Variants in DOCK2 observed in about 807,000 individuals in gnomAD.
The protein encoded by DOCK2 is dedicator of cytokinesis 2.
Under a neutral mutation model 248.9 loss-of-function variants are expected in DOCK2, and 87 were observed. The observed-to-expected ratio is 0.35, with a 90% CI of 0.29 to 0.42. The LOEUF (loss-of-function observed/expected upper bound fraction) is 0.42, where lower values mean the gene tolerates loss of function less well. Among genes scored for constraint, DOCK2 ranks in the 10% least tolerant of loss-of-function variants. DOCK2 has a pLI of 1.00. For missense variants in DOCK2, 1,747 were observed against 2,300.2 expected (o/e 0.76, Z 4.92); for synonymous variants, 805 against 821.6 (o/e 0.98, Z 0.35).
intron 26 of DOCK2, among the ~76,000 whole-genome samples, chr5:169,808,721 T>C (rs1211501540): frequency 6.6e-6 from 1 of 151,942 alleles, no homozygotes; most frequent in African/African-American, 2.4e-5. Context: ...CCAGAGAGAG[T>C]TGGTTTTTCC....
intron 41 of DOCK2, among the ~76,000 whole-genome samples, chr5:170,052,849 A>G (rs1756966572): frequency 6.6e-6 from 1 of 152,238 alleles, no homozygotes; most frequent in African/African-American, 2.4e-5. Context: ...ACTGAGGCTC[A>G]CAGAATTTAA....
rs1650862 is a variant in DOCK2, at chr5:169,780,332, T to G, written c.2554+18707T>G. 3.1e-4 allele frequency among the ~76,000 whole-genome samples: 35 copies of G among 113,622 alleles called. 1 individual carries two copies. The highest frequency in any genetic ancestry group is 1.2e-3 in the East Asian group (5 of 4,046). The allele number at this position is 113,622 out of a possible 152,430, so 74.5% of individuals were successfully genotyped here. A position where few individuals can be genotyped will look rare whatever the true frequency, so the allele number is the denominator to read the frequency against. The stretch of plus-strand genomic sequence containing the variant: ...GTGTGTGTGTGTGTGTGTGTGTGTG[T>G]GTGTGTGTTGAATCGTTCTAACACA... On this transcript the variant is annotated intron_variant, in intron 25 of 51. Transcript: ENST00000520908.
intron 38 of DOCK2, among the ~76,000 whole-genome samples, chr5:170,045,528 G>A (rs1013835349): frequency 2.0e-5 from 3 of 152,174 alleles, no homozygotes; most frequent in African/African-American, 7.2e-5. Flanking sequence ...CAATGAAGAT[G>A]CTGTCAGTTA....
intron 27 of DOCK2, among the ~76,000 whole-genome samples, chr5:169,844,698 G>A (rs945034072): frequency 1.1e-4 from 16 of 150,046 alleles, no homozygotes; most frequent in Non-Finnish European, 2.1e-4. Context: ...TTTCCCCAAT[G>A]ATGAATGATA....
intron 50 of DOCK2, 54 bp from the exon 51 acceptor site, chr5:170,081,788 G>A (rs1416399647): frequency 5.3e-6 from 8 of 1,517,364 alleles, no homozygotes; most frequent in Non-Finnish European, 7.1e-6. Context: ...CTCCCCCAAG[G>A]CACTGCCCCT....
intron 30 of DOCK2, among the ~76,000 whole-genome samples, chr5:169,996,586 T>A (rs1214612480): frequency 6.6e-6 from 1 of 152,218 alleles, no homozygotes; most frequent in Non-Finnish European, 1.5e-5. Context: ...GAAAGTCATT[T>A]TTAGTGCTCA....
At chr5:170,046,475 A>G (rs1756716143) in intron 39 of DOCK2, among the ~76,000 whole-genome samples, 1 of 152,106 alleles carries the variant, frequency 6.6e-6, no homozygotes. Context: ...CATCCTCCCC[A>G]CATGTTTTCT....
chr5:169,809,044 T>A (rs1254518333), intron 26 of DOCK2, among the ~76,000 whole-genome samples: 3 of 151,852 alleles, frequency 2.0e-5, no homozygotes, highest in Non-Finnish European at 4.4e-5. Flanking sequence ...CAGGCTGGAG[T>A]GCAGTGGCGC....
chr5:169,897,809 T>A (rs1388876657), intron 27 of DOCK2, among the ~76,000 whole-genome samples: 3 of 152,124 alleles, frequency 2.0e-5, no homozygotes. Context: ...AGATGATTCC[T>A]TCATCCCAGG....
chr5:169,761,530 A>G lies in DOCK2; in HGVS notation c.2459A>G (p.Tyr820Cys), dbSNP rs370192291. ...FDAKLLSQLL[Y>C]EFYTCIPPVK... ...TTTCCTGCCCTCAGCCAACTCCTGT[A>G]TGAGTTCTACACCTGCATCCCTCCT... The change falls in exon 25 of 52, where the codon TAT becomes TGT. Residue 820 changes from tyrosine (Y) to cysteine (C), a missense_variant. By Grantham distance (194) the Tyr-to-Cys change is radical. Coordinates refer to ENST00000520908, the MANE Select transcript of DOCK2 (RefSeq NM_004946.3). 6.2e-7 allele frequency: 1 copy of G among 1,613,276 alleles called. No homozygotes were observed. The highest frequency in any genetic ancestry group is 8.5e-7 in the Non-Finnish European group (1 of 1,179,738).
intron 27 of DOCK2, among the ~76,000 whole-genome samples, chr5:169,886,899 T>C (rs569824571): frequency 6.6e-6 from 1 of 152,348 alleles, no homozygotes; most frequent in East Asian, 1.9e-4. Context: ...AGTGCATTGA[T>C]TATGTGCCAG....
chr5:170,062,128 T>TGTGTGA (rs778077276), intron 44 of DOCK2, among the ~76,000 whole-genome samples: 3 of 137,836 alleles, frequency 2.2e-5, no homozygotes, highest in African/African-American at 8.8e-5. Context: ...TGTGTGTGTG[T>TGTGTGA]GAGAGAGAGA....
chr5:169,920,069 T>C (rs1393486726), intron 27 of DOCK2, among the ~76,000 whole-genome samples: 1 of 152,220 alleles, frequency 6.6e-6, no homozygotes, highest in Non-Finnish European at 1.5e-5. Context: ...CTTTGTGAGA[T>C]AATGATTTTA....
chr5:169,716,257 G>A lies in DOCK2; in HGVS notation c.1986G>A (p.Glu662=), dbSNP rs368933125. The change falls in exon 20 of 52, where the codon GAG becomes GAA. Residue 662 remains glutamate, a synonymous_variant. Coordinates refer to ENST00000520908, the MANE Select transcript of DOCK2 (RefSeq NM_004946.3). The part of the protein sequence containing the change: ...TLDALFNIMM[E]HSQSDEYDIL... ...ATGCCCTCTTCAACATCATGATGGAGCATTCTCAAAGTGATGAATATGACA... is the reference window on the plus strand; with the variant it reads ...ATGCCCTCTTCAACATCATGATGGAACATTCTCAAAGTGATGAATATGACA... 13 of 1,613,762 alleles carry A rather than the reference G, an allele frequency of 8.1e-6. No homozygotes were observed. Among genetic ancestry groups the A allele is most frequent in the South Asian group, 2.2e-5 (2 of 91,076 alleles).
At position 169,813,642 on chromosome 5, in the gene DOCK2, A is replaced by G. The variant is rs10155623; in HGVS notation, c.2703+10436A>G. On this transcript the variant is annotated intron_variant, in intron 26 of 51. Transcript: ENST00000520908. ...TAAGGGTTCTCAAGGGACTTGGCAAAGCCAGTATGCTCCAGGGATGTAGTG... is the reference window on the plus strand; with the variant it reads ...TAAGGGTTCTCAAGGGACTTGGCAAGGCCAGTATGCTCCAGGGATGTAGTG... Among the ~76,000 whole-genome samples the G allele has an allele frequency of 9.0e-3, 1,375 of 152,332 alleles. 21 individuals are homozygous for G. Among genetic ancestry groups the G allele is most frequent in the African/African-American group, 0.031 (1,292 of 41,572 alleles).
intron 27 of DOCK2, among the ~76,000 whole-genome samples, chr5:169,906,061 T>C (rs1332462489): frequency 6.6e-6 from 1 of 152,236 alleles, no homozygotes; most frequent in East Asian, 1.9e-4. Flanking sequence ...GTACTAATTA[T>C]AAATGAATGC....
At chr5:170,065,458 GTGAC>G (rs1168123701) in intron 44 of DOCK2, among the ~76,000 whole-genome samples, 4 of 150,514 alleles carry the variant, frequency 2.7e-5, no homozygotes, top group African/African-American at 1.0e-4. Context: ...AAGGAATAGA[GTGAC>G]TGAACAACAA....
intron 25 of DOCK2, among the ~76,000 whole-genome samples, chr5:169,787,489 A>G (rs1001781815): frequency 1.3e-5 from 2 of 152,144 alleles, no homozygotes; most frequent in African/African-American, 4.8e-5. Flanking sequence ...TGACAAACTT[A>G]CAGGTGGGCT....
chr5:170,080,135 T>C, intron 49 of DOCK2, 28 bp from the exon 50 acceptor site: 1 of 1,613,546 alleles, frequency 6.2e-7, no homozygotes, highest in Non-Finnish European at 8.5e-7. Context: ...TTTGTGTGTG[T>C]GTGTGTGTGT....
Sources: gnomAD v4.1 joint callset for allele counts (sites outside exome capture counted in the v4.1 genomes callset) on GRCh38, gnomAD v4.1.1 for gene constraint, MANE v1.5 for transcripts, NCBI Gene and HGNC (gene_info 2026-07-23, HGNC 2026-07-21) for gene names.